Variants in GLS observed in about 807,000 individuals in gnomAD.
The protein encoded by GLS is glutaminase kidney isoform, mitochondrial.
In GLS, 36 loss-of-function variants were observed where a neutral mutation model predicts 86.7. The observed-to-expected ratio is 0.42, with a 90% confidence interval of 0.32 to 0.55. The LOEUF is 0.55. Ranked by LOEUF, GLS falls within the 20% of genes least tolerant of loss-of-function variation. The pLI is 0.17. For synonymous variants in GLS, 317 were observed against 305.9 expected, an observed-to-expected ratio of 1.04 and a Z score of -0.38; for missense variants, 528 against 833.4, an observed-to-expected ratio of 0.63 and a Z score of 4.51.
In GLS at chr2:190,951,099, A is replaced by G. The variant is rs1415058352; in HGVS notation, c.1651-2466A>G. On this transcript the variant is annotated intron_variant, in intron 14 of 17. Transcript: ENST00000320717. The surrounding 1 kb of genome is among the most constrained non-coding windows in gnomAD (Gnocchi z 4.2). ...GGAATAGATGAATTCTTTGAGGGAC[A>G]TTATATTGAAAAACAAGAAGATTGG... Among the ~76,000 whole-genome samples, 1 of 152,204 alleles carries G rather than the reference A, an allele frequency of 6.6e-6. No individual in the cohort carries two copies. Among genetic ancestry groups the G allele is most frequent in the South Asian group, 2.1e-4 (1 of 4,828 alleles).
rs756198898 is a variant in GLS at position 190,921,037 on chromosome 2, A to T, written c.1052A>T (p.Asn351Ile). 1 of 1,560,456 alleles carries T rather than the reference A, an allele frequency of 6.4e-7. No homozygotes were observed. The highest frequency in any genetic ancestry group is 1.1e-5 in the South Asian group (1 of 89,766). Residue 351 changes from asparagine (N) to isoleucine (I), a missense_variant, in exon 8 of 18, where the codon AAT becomes ATT. By Grantham distance (149) the Asn-to-Ile change is moderately radical. Coordinates refer to ENST00000320717, the MANE Select transcript of GLS (RefSeq NM_014905.5). The surrounding 1 kb of genome is among the most constrained non-coding windows in gnomAD (Gnocchi z 4.2). ...ATTTTTTTGCAGCAAGGAGTAAATA[A>T]TGCTGAAAAATTTGACTATGTAAGT... ...VTSLIKQGVNNAEKFDYVMQF... is the reference protein window; with the variant it reads ...VTSLIKQGVNIAEKFDYVMQF...
At chr2:190,927,695 C>T (rs536907106) in intron 12 of GLS, 77 of 433,246 alleles carry the variant, frequency 1.8e-4, no homozygotes, top group African/African-American at 1.4e-3. Context: ...TATAGAACCT[C>T]ATCCCTTCTG....
chr2:190,936,852 A>C (rs1690284515), intron 14 of GLS, among the ~76,000 whole-genome samples: 1 of 151,438 alleles, frequency 6.6e-6, no homozygotes, highest in Non-Finnish European at 1.5e-5. Flanking sequence ...CTGTTTTACT[A>C]TTCATCTGTA....
At chr2:190,933,274 T>G in intron 14 of GLS, 1 of 907,048 alleles carries the variant, frequency 1.1e-6, no homozygotes, top group Non-Finnish European at 1.3e-6. Context: ...AAAACTAATG[T>G]GATGTCTTTA....
chr2:190,950,392 A>G (rs1444745903), intron 14 of GLS, among the ~76,000 whole-genome samples: 1 of 152,216 alleles, frequency 6.6e-6, no homozygotes, highest in Non-Finnish European at 1.5e-5. Flanking sequence ...GGTGGTTCAG[A>G]TGAGGCCTAA....
At chr2:190,889,753 C>T (rs879888314) in intron 1 of GLS, among the ~76,000 whole-genome samples, 1 of 152,064 alleles carries the variant, frequency 6.6e-6, no homozygotes, top group African/African-American at 2.4e-5. Context: ...GGACAAATTA[C>T]CATGAGCTGA....
Position 190,921,248 on chromosome 2 carries a change from G to T in GLS, c.1130+45G>T, listed in dbSNP as rs767329016. On this transcript the variant is annotated intron_variant, in intron 9 of 17. Coordinates refer to ENST00000320717, the MANE Select transcript of GLS (RefSeq NM_014905.5). This position sits in a 1 kb window ranked among gnomAD's most constrained non-coding sequence, Gnocchi z 4.2. Reference sequence around the variant, plus strand: ...TTTTGTTACGTAAAAACACACAACTGTATTTAGAATTGATCCACTCTCTTT... The same window carrying T: ...TTTTGTTACGTAAAAACACACAACTTTATTTAGAATTGATCCACTCTCTTT... 3.3e-5 allele frequency: 40 copies of T among 1,225,820 alleles called. 1 individual carries two copies. The Admixed American group carries it at 6.7e-4, about 21-fold the overall frequency. The allele number at this position is 1,225,820 out of a possible 1,614,324, so 75.9% of individuals were successfully genotyped here. A position where few individuals can be genotyped will look rare whatever the true frequency, so the allele number is the denominator to read the frequency against.
chr2:190,895,384 A>C lies in GLS; in HGVS notation c.483+136A>C, dbSNP rs983319062. 2.0e-5 allele frequency: 11 copies of C among 544,192 alleles called. No homozygotes were observed. The East Asian group carries it at 3.0e-4, about 15-fold the overall frequency. 33.7% of individuals were successfully genotyped at this position (544,192 alleles called of 1,614,324 possible). On this transcript the variant is annotated intron_variant, in intron 2 of 17. Transcript: ENST00000320717. The surrounding 1 kb of genome is among the most constrained non-coding windows in gnomAD (Gnocchi z 4.2). ...ACAATATTTCTCTTATTATGTTTTC[A>C]AATTTTTGTCATGCTCATTTCAAGG...
intron 6 of GLS, among the ~76,000 whole-genome samples, chr2:190,907,901 C>A (rs1257940418): frequency 2.6e-5 from 4 of 152,058 alleles, no homozygotes; most frequent in South Asian, 2.1e-4. Flanking sequence ...TATTATCTTA[C>A]AAGTATGTAA....
At position 190,920,006 on chromosome 2, in the gene GLS, G is replaced by A. The variant is rs1305913030; in HGVS notation, c.1039-1018G>A. The A allele has an allele frequency of 2.6e-5, 4 of 151,780 alleles. No individual in the cohort carries two copies. The highest frequency in any genetic ancestry group is 5.9e-5 in the Non-Finnish European group (4 of 67,776). The allele number at this position is 151,780 out of a possible 1,614,324, so 9.4% of individuals were successfully genotyped here. A position where few individuals can be genotyped will look rare whatever the true frequency, so the allele number is the denominator to read the frequency against. Reference sequence around the variant, plus strand: ...AATCCTCTTGTAAAGAATGAACCTGGCTTTATTCAATTAAATAATTCTCTG... The same window carrying A: ...AATCCTCTTGTAAAGAATGAACCTGACTTTATTCAATTAAATAATTCTCTG... On this transcript the variant is annotated intron_variant, in intron 7 of 17. Coordinates refer to ENST00000320717, the MANE Select transcript of GLS (RefSeq NM_014905.5). This position sits in a 1 kb window ranked among gnomAD's most constrained non-coding sequence, Gnocchi z 4.2.
intron 9 of GLS, among the ~76,000 whole-genome samples, chr2:190,922,143 G>A (rs927802154): frequency 2.0e-5 from 3 of 152,026 alleles, no homozygotes; most frequent in Non-Finnish European, 2.9e-5. Context: ...CAGTTCTGCT[G>A]TTTAGTAGAA....
At position 190,880,918 on chromosome 2, in the gene GLS, G is replaced by GCAC. The variant is rs1207456630; in HGVS notation, c.-165_-163dup. The GCAC allele has an allele frequency of 4.4e-5, 39 of 882,588 alleles. 1 individual carries two copies. Among genetic ancestry groups the GCAC allele is most frequent in the South Asian group, 1.3e-4 (9 of 68,674 alleles). The allele number at this position is 882,588 out of a possible 1,614,324, so 54.7% of individuals were successfully genotyped here. A position where few individuals can be genotyped will look rare whatever the true frequency, so the allele number is the denominator to read the frequency against. The stretch of plus-strand genomic sequence containing the variant: ...AGCAGCAGCAGCAGCAGCAGCAGCA[G>GCAC]CACCCGCATCCGCTGCGGGAGTCCG... On this transcript the variant is annotated 5_prime_UTR_variant, in exon 1 of 18. Coordinates refer to ENST00000320717, the MANE Select transcript of GLS (RefSeq NM_014905.5).
chr2:190,907,921 G>C (rs1689216395), intron 6 of GLS, among the ~76,000 whole-genome samples: 1 of 152,186 alleles, frequency 6.6e-6, no homozygotes, highest in African/African-American at 2.4e-5. Flanking sequence ...ATTGACAGGT[G>C]CCAAAATGTA....
At chr2:190,910,437 T>G (rs1468963193) in intron 7 of GLS, 116 bp downstream of exon 7, 1 of 587,780 alleles carries the variant, frequency 1.7e-6, no homozygotes, top group Non-Finnish European at 3.1e-6. Flanking sequence ...CTCTTGGTGT[T>G]AAGAAATTTG....
intron 13 of GLS, among the ~76,000 whole-genome samples, chr2:190,931,067 T>C (rs1488858894): frequency 1.3e-5 from 2 of 152,186 alleles, no homozygotes; most frequent in African/African-American, 4.8e-5. Flanking sequence ...CTGCTAATGT[T>C]TGAGCTTCTA....
intron 17 of GLS, among the ~76,000 whole-genome samples, chr2:190,959,240 C>G (rs969475047): frequency 3.4e-5 from 5 of 146,360 alleles, no homozygotes; most frequent in African/African-American, 1.3e-4. Context: ...ATTGCAACCC[C>G]TGCTTTTTTT....
In GLS at chr2:190,956,491, T is replaced by G. The variant is rs962844802; in HGVS notation, c.1853+1673T>G. On this transcript the variant is annotated intron_variant, in intron 17 of 17. Transcript: ENST00000320717. This position sits in a 1 kb window ranked among gnomAD's most constrained non-coding sequence, Gnocchi z 4.2. ...TATTTTGGTATCAGTACCATACTGTTTTGATTACTGTAGCCTTGTAGTATA... is the reference window on the plus strand; with the variant it reads ...TATTTTGGTATCAGTACCATACTGTGTTGATTACTGTAGCCTTGTAGTATA... Among the ~76,000 whole-genome samples the G allele has an allele frequency of 3.9e-5, 6 of 152,220 alleles. No individual in the cohort carries two copies. The highest frequency in any genetic ancestry group is 1.2e-4 in the African/African-American group (5 of 41,458).
intron 1 of GLS, among the ~76,000 whole-genome samples, chr2:190,885,340 C>T (rs975802327): frequency 4.6e-5 from 7 of 151,898 alleles, no homozygotes; most frequent in African/African-American, 9.7e-5. Context: ...TACAGGCACC[C>T]GCCACCATGC....
Position 190,923,894 on chromosome 2 carries a change from A to T in GLS, c.1131-23A>T, listed in dbSNP as rs369253974. The T allele has an allele frequency of 4.1e-6, 6 of 1,470,200 alleles. No homozygotes were observed. In the African/African-American group the frequency reaches 5.6e-5, roughly 14 times the overall value. 91.1% of individuals were successfully genotyped at this position (1,470,200 alleles called of 1,614,324 possible). On this transcript the variant is annotated intron_variant, in intron 9 of 17. Transcript: ENST00000320717. The stretch of plus-strand genomic sequence containing the variant: ...ACTTTTAAAGAAAGTACATAGAGCA[A>T]ATGTTTTTTTTTCTTCTTCCAGGTT...
Sources: gnomAD v4.1 joint callset for allele counts (sites outside exome capture counted in the v4.1 genomes callset) on GRCh38, gnomAD v4.1.1 for gene constraint, Gnocchi (gnomAD v3.1) non-coding constraint, MANE v1.5 for transcripts, NCBI Gene and HGNC (gene_info 2026-07-23, HGNC 2026-07-21) for gene names.